The following IFRD1 variants were observed in gnomAD, a reference collection of about 807,000 sequenced individuals.
IFRD1 encodes the protein interferon-related developmental regulator 1.
In IFRD1, 35 loss-of-function variants were observed where a neutral mutation model predicts 52.9. The ratio of observed to expected loss-of-function variants is 0.66; its 90% CI spans 0.51 to 0.88. The LOEUF (loss-of-function observed/expected upper bound fraction) is 0.88. Among genes scored for constraint, IFRD1 ranks in the 40% least tolerant of loss-of-function variants. The pLI is 0.00. For missense variants in IFRD1, 517 were observed against 550.8 expected (o/e 0.94, Z 0.61); for synonymous variants, 184 against 188.4 (o/e 0.98, Z 0.19).
Position 112,450,477 on chromosome 7 carries a change from A to G in IFRD1, c.-212A>G, listed in dbSNP as rs1456786514. 1.3e-5 allele frequency: 8 copies of G among 595,750 alleles called. No homozygotes were observed. Among genetic ancestry groups the G allele is most frequent in the Admixed American group, 5.6e-5 (2 of 35,586 alleles). The allele number at this position is 595,750 out of a possible 1,614,324, so 36.9% of individuals were successfully genotyped here. A position where few individuals can be genotyped will look rare whatever the true frequency, so the allele number is the denominator to read the frequency against. ...CCTGCCCCGCCTTAGCTCCCGCGCTAGAGAGAAACATGTATCGTTTTCGAT... is the reference window on the plus strand; with the variant it reads ...CCTGCCCCGCCTTAGCTCCCGCGCTGGAGAGAAACATGTATCGTTTTCGAT... On this transcript the variant is annotated 5_prime_UTR_variant, in exon 1 of 12. Transcript: ENST00000403825.
At position 112,464,686 on chromosome 7, in the gene IFRD1, T is replaced by A. The variant is rs982709204; in HGVS notation, c.906+2308T>A. 1.1e-4 allele frequency among the ~76,000 whole-genome samples: 17 copies of A among 152,322 alleles called. No individual in the cohort carries two copies. In the East Asian group the frequency reaches 3.1e-3, roughly 28 times the overall value. On this transcript the variant is annotated intron_variant, in intron 8 of 11. Coordinates refer to ENST00000403825, the MANE Select transcript of IFRD1 (RefSeq NM_001550.4). ...TTTTAGGAACTGTAGAGTAACTTAA[T>A]ATAAGAGACATTATTTGGTGGGCAG... is the stretch of plus-strand genomic sequence containing the variant.
intron 1 of IFRD1, among the ~76,000 whole-genome samples, chr7:112,438,924 G>T (rs933707346): frequency 3.3e-5 from 5 of 152,114 alleles, no homozygotes; most frequent in Non-Finnish European, 7.4e-5. Flanking sequence ...CAGAAAAATG[G>T]ATTCCTCCCG....
intron 9 of IFRD1, among the ~76,000 whole-genome samples, chr7:112,470,877 A>AT (rs1476734705): frequency 6.6e-6 from 1 of 152,144 alleles, no homozygotes; most frequent in Admixed American, 6.5e-5. Flanking sequence ...TATAGTTGCA[A>AT]TTTTTTTCTG....
chr7:112,463,281 T>C (rs534242490), intron 8 of IFRD1, among the ~76,000 whole-genome samples: 2 of 152,306 alleles, frequency 1.3e-5, no homozygotes, highest in South Asian at 4.1e-4. Context: ...AATTACTTAC[T>C]AGATGCTTTT....
intron 1 of IFRD1, among the ~76,000 whole-genome samples, chr7:112,431,418 G>C (rs1257509365): frequency 1.3e-5 from 2 of 152,144 alleles, no homozygotes; most frequent in African/African-American, 4.8e-5. Flanking sequence ...TCTCTTATCT[G>C]TGTTGGAGAA....
intron 1 of IFRD1, among the ~76,000 whole-genome samples, chr7:112,426,440 T>C (rs1794429302): frequency 1.3e-5 from 2 of 152,234 alleles, no homozygotes; most frequent in African/African-American, 4.8e-5. Context: ...TAGCACAGAA[T>C]GGGTAGTAAC....
At chr7:112,450,278 C>T, upstream of IFRD1, 1 of 204,234 alleles carries the variant, frequency 4.9e-6, no homozygotes. Context: ...CGAAGACAGG[C>T]TCCCTGGGCG....
At chr7:112,452,937 GA>G (rs1188961614) in intron 1 of IFRD1, among the ~76,000 whole-genome samples, 1 of 152,210 alleles carries the variant, frequency 6.6e-6, no homozygotes, top group Non-Finnish European at 1.5e-5. Context: ...TGGAGCTGGG[GA>G]AAGGTATGGG....
intron 11 of IFRD1, 75 bp downstream of exon 11, chr7:112,472,936 T>G: frequency 1.0e-6 from 1 of 953,062 alleles, no homozygotes; most frequent in South Asian, 1.3e-5. Context: ...GCAACTTAGC[T>G]GTGTCTACCT....
At chr7:112,468,249 T>G in intron 9 of IFRD1, 134 bp downstream of exon 9, 1 of 988,754 alleles carries the variant, frequency 1.0e-6, no homozygotes, top group Non-Finnish European at 1.6e-6. Context: ...CCTAGCAGGT[T>G]TTTAACAATA....
At chr7:112,441,422 A>T (rs1366972768) in intron 1 of IFRD1, among the ~76,000 whole-genome samples, 1 of 149,506 alleles carries the variant, frequency 6.7e-6, no homozygotes. Context: ...TCTGGGTGAG[A>T]GGCAAGACAC....
intron 1 of IFRD1, among the ~76,000 whole-genome samples, chr7:112,438,581 T>G (rs558779951): frequency 2.0e-5 from 3 of 152,314 alleles, no homozygotes; most frequent in African/African-American, 7.2e-5. Context: ...TTCCAAAAAT[T>G]TATCATAAGA....
At chr7:112,428,384 G>T (rs1013506800) in intron 1 of IFRD1, among the ~76,000 whole-genome samples, 1 of 152,220 alleles carries the variant, frequency 6.6e-6, no homozygotes, top group Non-Finnish European at 1.5e-5. Flanking sequence ...GGTAAACAGG[G>T]TGGAAACAGG....
chr7:112,448,818 A>G (rs922829022), upstream of IFRD1, among the ~76,000 whole-genome samples: 1 of 152,228 alleles, frequency 6.6e-6, no homozygotes, highest in South Asian at 2.1e-4. Context: ...CATGAGCTAC[A>G]TCTTGAACGG....
chr7:112,452,215 G>A, intron 1 of IFRD1: 3 of 660,630 alleles, frequency 4.5e-6, no homozygotes, highest in Non-Finnish European at 5.6e-6. Context: ...GCTGGAGTGC[G>A]GTGTGGTGTG....
At chr7:112,455,266 G>A (rs890127733) in intron 1 of IFRD1, among the ~76,000 whole-genome samples, 36 of 152,052 alleles carry the variant, frequency 2.4e-4, no homozygotes, top group African/African-American at 8.4e-4. Context: ...GGTGGATCAC[G>A]AGGTCAGGAG....
intron 11 of IFRD1, 39 bp from the exon 12 acceptor site, chr7:112,475,391 A>T (rs1795874570): frequency 8.9e-7 from 1 of 1,125,168 alleles, no homozygotes; most frequent in Admixed American, 1.7e-5. Context: ...GAATATCTTA[A>T]GTCTTACTGA....
At chr7:112,475,287 T>C (rs1173367239) in intron 11 of IFRD1, 143 bp from the exon 12 acceptor site, 2 of 636,504 alleles carry the variant, frequency 3.1e-6, no homozygotes, top group Non-Finnish European at 5.5e-6. Context: ...TCTCCTTCAT[T>C]CTTTGTGTGT....
At chr7:112,447,562 C>T (rs917977595), upstream of IFRD1, among the ~76,000 whole-genome samples, 2 of 152,172 alleles carry the variant, frequency 1.3e-5, no homozygotes, top group Non-Finnish European at 2.9e-5. Flanking sequence ...TTCTGGTCAA[C>T]ATGTAGGTGG....
Sources: gnomAD v4.1 joint callset for allele counts (sites outside exome capture counted in the v4.1 genomes callset) on GRCh38, gnomAD v4.1.1 for gene constraint, MANE v1.5 for transcripts, NCBI Gene and HGNC (gene_info 2026-07-23, HGNC 2026-07-21) for gene names.